RPAP2: variants seen among roughly 807,000 people sequenced by gnomAD.
RPAP2 encodes the protein RNA polymerase II associated protein 2, also known as putative RNA polymerase II subunit B1 CTD phosphatase RPAP2.
Under a neutral mutation model 73.1 loss-of-function variants are expected in RPAP2, and 52 were observed. The observed-to-expected ratio is 0.71, with a 90% confidence interval of 0.57 to 0.90. RPAP2 has a LOEUF of 0.90. Ranked by LOEUF, RPAP2 falls within the 40% of genes least tolerant of loss-of-function variation. RPAP2 has a pLI of 0.00. For synonymous variants in RPAP2, 225 were observed against 242.1 expected, an observed-to-expected ratio of 0.93 and a Z score of 0.65; for missense variants, 598 against 701.8, an observed-to-expected ratio of 0.85 and a Z score of 1.67.
chr1:92,326,525 A>G (rs1401604524), intron 8 of RPAP2, among the ~76,000 whole-genome samples: 5 of 152,268 alleles, frequency 3.3e-5, no homozygotes, highest in Non-Finnish European at 7.4e-5. Flanking sequence ...TAGAACTCCC[A>G]AGAATATATG....
At chr1:92,311,235 G>A (rs937590543) in intron 6 of RPAP2, among the ~76,000 whole-genome samples, 1 of 152,148 alleles carries the variant, frequency 6.6e-6, no homozygotes, top group South Asian at 2.1e-4. Flanking sequence ...TTTGTAAAAG[G>A]AAAAAGTTGC....
intron 3 of RPAP2, 79 bp from the exon 4 acceptor site, chr1:92,303,898 A>G: frequency 1.1e-6 from 1 of 889,698 alleles, no homozygotes; most frequent in South Asian, 1.8e-5. Context: ...TTTTCAGATA[A>G]GATTGATGAG....
Position 92,387,059 on chromosome 1 carries a change from C to G in RPAP2, c.*48C>G. On this transcript the variant is annotated 3_prime_UTR_variant, in exon 13 of 13. Transcript: ENST00000610020. ...GAAGATGAACTTCTATTCACCGTTT[C>G]TGGAATTCTAGCCGCCATGATGGTC... 4 of 1,563,206 alleles carry G rather than the reference C, an allele frequency of 2.6e-6. No homozygotes were observed. The highest frequency in any genetic ancestry group is 3.5e-6 in the Non-Finnish European group (4 of 1,144,730).
chr1:92,377,516 CAAAAAAAAAAAAAA>C (rs530908177), intron 11 of RPAP2, among the ~76,000 whole-genome samples: 1 of 76,608 alleles, frequency 1.3e-5, no homozygotes, highest in Non-Finnish European at 2.4e-5. Flanking sequence ...AACTTTGTCT[CAAAAAAAAAAAAAA>C]AAAAAAAAAA....
At chr1:92,360,838 T>C (rs1321551656) in intron 11 of RPAP2, among the ~76,000 whole-genome samples, 1 of 152,134 alleles carries the variant, frequency 6.6e-6, no homozygotes, top group Non-Finnish European at 1.5e-5. Flanking sequence ...TACTGTATTA[T>C]TAGTTTCATT....
intron 11 of RPAP2, among the ~76,000 whole-genome samples, chr1:92,368,152 C>T (rs1259584534): frequency 2.0e-5 from 3 of 152,100 alleles, no homozygotes; most frequent in African/African-American, 2.4e-5. Flanking sequence ...TGGCTGGCCA[C>T]AGTGGGTCAC....
chr1:92,307,215 G>A lies in RPAP2; in HGVS notation c.427G>A (p.Ala143Thr), dbSNP rs755644341. The change falls in exon 6 of 13, where the codon GCA becomes ACA. Residue 143 changes from alanine to threonine, a missense_variant. Transcript: ENST00000610020. The stretch of plus-strand genomic sequence containing the variant: ...TTTTTGCAGCAATTTTTGTTATCAA[G>A]CATCTAAGTTTTTTGAAGCACAAAT... ...KSFCSNFCYQ[A>T]SKFFEAQIPK... is the part of the protein sequence containing the mutation. The A allele has an allele frequency of 3.1e-6, 5 of 1,611,348 alleles. No homozygotes were observed. Among genetic ancestry groups the A allele is most frequent in the Non-Finnish European group, 4.2e-6 (5 of 1,179,204 alleles).
At position 92,358,872 on chromosome 1, in the gene RPAP2, C is replaced by A. The variant is rs915241350; in HGVS notation, c.1688+12958C>A. ...AAAGTGCTGGGATTACAGGTGTGAGCCACCATGCCCAGCCTATTCATCTTT... is the reference window on the plus strand; with the variant it reads ...AAAGTGCTGGGATTACAGGTGTGAGACACCATGCCCAGCCTATTCATCTTT... On this transcript the variant is annotated intron_variant, in intron 11 of 12. Coordinates refer to ENST00000610020, the MANE Select transcript of RPAP2 (RefSeq NM_024813.3). 2.6e-5 allele frequency among the ~76,000 whole-genome samples: 4 copies of A among 152,150 alleles called. No homozygotes were observed. In the East Asian group the frequency reaches 7.7e-4, roughly 29 times the overall value.
At chr1:92,381,969 T>A (rs1213336693) in intron 12 of RPAP2, among the ~76,000 whole-genome samples, 1 of 143,912 alleles carries the variant, frequency 6.9e-6, no homozygotes, top group African/African-American at 2.6e-5. Flanking sequence ...CCTTCCTGTG[T>A]CCATGTGTTC....
intron 12 of RPAP2, among the ~76,000 whole-genome samples, chr1:92,382,519 A>G (rs1318033382): frequency 6.6e-6 from 1 of 152,156 alleles, no homozygotes; most frequent in Non-Finnish European, 1.5e-5. Context: ...TCTGATGGCC[A>G]GTGATGATGA....
chr1:92,344,399 T>C (rs1403986187), intron 10 of RPAP2, among the ~76,000 whole-genome samples: 4 of 152,164 alleles, frequency 2.6e-5, no homozygotes, highest in African/African-American at 9.6e-5. Context: ...AGCAAGACTC[T>C]GTCTAAAAAA....
chr1:92,317,840 G>C (rs1360299636), intron 6 of RPAP2, among the ~76,000 whole-genome samples: 2 of 152,122 alleles, frequency 1.3e-5, no homozygotes, highest in African/African-American at 4.8e-5. Context: ...GCATAAAGCT[G>C]TCTTAAATTG....
chr1:92,375,552 C>G (rs942245723), intron 11 of RPAP2, among the ~76,000 whole-genome samples: 1 of 152,060 alleles, frequency 6.6e-6, no homozygotes, highest in Admixed American at 6.6e-5. Context: ...AAAAATTGGA[C>G]AGGCGCAGTG....
At chr1:92,331,441 T>G (rs911246913) in intron 8 of RPAP2, among the ~76,000 whole-genome samples, 1 of 152,202 alleles carries the variant, frequency 6.6e-6, no homozygotes, top group Non-Finnish European at 1.5e-5. Flanking sequence ...TCTTTTGCAT[T>G]GAATCATTAT....
chr1:92,344,050 CT>C (rs139643602), intron 10 of RPAP2, among the ~76,000 whole-genome samples: 2 of 151,880 alleles, frequency 1.3e-5, no homozygotes, highest in Non-Finnish European at 2.9e-5. Context: ...TCCTTCTAGT[CT>C]TTTTTTTGTA....
chr1:92,370,465 C>CAA (rs775867824), intron 11 of RPAP2, among the ~76,000 whole-genome samples: 2 of 152,086 alleles, frequency 1.3e-5, no homozygotes, highest in African/African-American at 4.8e-5. Context: ...ACCCCCCCAC[C>CAA]AAAAACACCC....
chr1:92,305,430 C>T lies in RPAP2; in HGVS notation c.399+1081C>T, dbSNP rs1307385238. On this transcript the variant is annotated intron_variant, in intron 5 of 12. Coordinates refer to ENST00000610020, the MANE Select transcript of RPAP2 (RefSeq NM_024813.3). ...CCGGGGCAACAGAGTGAGGCTCCGT[C>T]TCAAAAAAAAAAAAAAAAAAAGACA... is the stretch of plus-strand genomic sequence containing the variant. Among the ~76,000 whole-genome samples, 3 of 18,384 alleles carry T rather than the reference C, an allele frequency of 1.6e-4. No individual in the cohort carries two copies. In the Admixed American group the frequency reaches 2.4e-3, roughly 15 times the overall value. The allele number at this position is 18,384 out of a possible 152,430, so 12.1% of individuals were successfully genotyped here.
intron 6 of RPAP2, among the ~76,000 whole-genome samples, chr1:92,316,858 A>G (rs571136384): frequency 9.2e-5 from 14 of 152,322 alleles, no homozygotes; most frequent in African/African-American, 3.4e-4. Flanking sequence ...TTTATATCGA[A>G]TCTTGAATCT....
rs34486138 is a variant in RPAP2 at position 92,380,272 on chromosome 1, C to G, written c.1689-452C>G. ...CAGCCTAGATGACAGAAGCGAGACTCTGCCTCAAAAAAAAAAAAACAAATA... is the reference window on the plus strand; with the variant it reads ...CAGCCTAGATGACAGAAGCGAGACTGTGCCTCAAAAAAAAAAAAACAAATA... On this transcript the variant is annotated intron_variant, in intron 11 of 12. Transcript: ENST00000610020. 4.1e-5 allele frequency among the ~76,000 whole-genome samples: 6 copies of G among 146,806 alleles called. No homozygotes were observed. The East Asian group carries it at 1.2e-3, about 28-fold the overall frequency.
Sources: allele counts gnomAD v4.1 joint callset (sites outside exome capture counted in the v4.1 genomes callset), GRCh38; gene constraint gnomAD v4.1.1; transcripts MANE v1.5; gene names NCBI Gene and HGNC (gene_info 2026-07-23, HGNC 2026-07-21).